The following ZCCHC10 variants were observed in gnomAD, a reference collection of about 807,000 sequenced individuals.
ZCCHC10 encodes zinc finger CCHC domain-containing protein 10.
Under a neutral mutation model 19.5 loss-of-function variants are expected in ZCCHC10, and 16 were observed. The observed-to-expected ratio is 0.82, with a 90% CI of 0.56 to 1.25. ZCCHC10 has a LOEUF of 1.25. Among genes scored for constraint, ZCCHC10 ranks in the 50% most tolerant of loss-of-function variants. The pLI, the probability that ZCCHC10 is intolerant of heterozygous loss-of-function variation, is 0.00. For missense variants in ZCCHC10, 197 were observed against 201.0 expected (o/e 0.98, Z 0.12); for synonymous variants, 67 against 72.5 (o/e 0.92, Z 0.38).
chr5:133,023,274 T>C (rs755984630), intron 1 of ZCCHC10, among the ~76,000 whole-genome samples: 1 of 152,030 alleles, frequency 6.6e-6, no homozygotes, highest in Non-Finnish European at 1.5e-5. Context: ...CCCCAAATAA[T>C]GCCTAGACTC....
chr5:133,014,637 C>A (rs572537899), intron 2 of ZCCHC10, among the ~76,000 whole-genome samples: 2 of 152,336 alleles, frequency 1.3e-5, no homozygotes, highest in Admixed American at 1.3e-4. Context: ...TAGAAGATTG[C>A]AAGCCAGGTA....
chr5:133,014,431 C>T (rs372878921), intron 2 of ZCCHC10, among the ~76,000 whole-genome samples: 5 of 152,284 alleles, frequency 3.3e-5, no homozygotes, highest in East Asian at 1.9e-4. Flanking sequence ...TCCCAAAGTG[C>T]TGGGATTACA....
intron 2 of ZCCHC10, among the ~76,000 whole-genome samples, chr5:133,021,183 CCG>C (rs981568490): frequency 2.6e-5 from 4 of 152,098 alleles, no homozygotes; most frequent in African/African-American, 9.7e-5. Context: ...GCGTGAGCCA[CCG>C]CGCACGGCCT....
intron 2 of ZCCHC10, among the ~76,000 whole-genome samples, chr5:133,014,657 T>G (rs1366918031): frequency 6.6e-6 from 1 of 152,246 alleles, no homozygotes; most frequent in African/African-American, 2.4e-5. Context: ...ATCTTCACAG[T>G]GTGCTTCAAT....
chr5:133,020,368 T>C (rs1764218817), intron 2 of ZCCHC10, among the ~76,000 whole-genome samples: 1 of 151,912 alleles, frequency 6.6e-6, no homozygotes. Context: ...CACTTGAGCC[T>C]GGGAGGCAGA....
At position 132,998,573 on chromosome 5, in the gene ZCCHC10, T is replaced by C. The variant is rs1290177869; in HGVS notation, c.*10A>G. On this transcript the variant is annotated 3_prime_UTR_variant, in exon 5 of 5. Transcript: ENST00000509437. ...TTTCAGTCCATCAGTCCAATATGAA[T>C]GGAGCAACTCTATTTCTTTTTCTTC... 6 of 1,609,622 alleles carry C rather than the reference T, an allele frequency of 3.7e-6. No individual in the cohort carries two copies. Among genetic ancestry groups the C allele is most frequent in the Non-Finnish European group, 5.1e-6 (6 of 1,178,360 alleles).
At chr5:133,004,372 C>T (rs1762969447) in intron 3 of ZCCHC10, among the ~76,000 whole-genome samples, 1 of 152,148 alleles carries the variant, frequency 6.6e-6, no homozygotes. Context: ...CGGGGTTTCT[C>T]CATGTTGGTC....
rs979094152 is a variant in ZCCHC10 at position 133,022,485 on chromosome 5, C to T, written c.107+356G>A. Among the ~76,000 whole-genome samples, 4 of 150,780 alleles carry T rather than the reference C, an allele frequency of 2.7e-5. No individual in the cohort carries two copies. In the South Asian group the frequency reaches 6.3e-4, roughly 24 times the overall value. On this transcript the variant is annotated intron_variant, in intron 2 of 4. Coordinates refer to ENST00000509437, the MANE Select transcript of ZCCHC10 (RefSeq NM_001300816.3). Reference sequence around the variant, plus strand: ...TTTTTTTTTTTTTGAGACAGACTCTCGGTCTGTCGCCAGGCTGGACTGCAG... The same window carrying T: ...TTTTTTTTTTTTTGAGACAGACTCTTGGTCTGTCGCCAGGCTGGACTGCAG...
At chr5:133,010,963 T>C (rs1218009875) in intron 2 of ZCCHC10, among the ~76,000 whole-genome samples, 2 of 152,048 alleles carry the variant, frequency 1.3e-5, no homozygotes, top group Non-Finnish European at 2.9e-5. Context: ...AGCTAGTTTT[T>C]GTATTTTTAG....
chr5:133,026,443 G>A (rs1228422545), intron 1 of ZCCHC10, 54 bp downstream of exon 1: 6 of 1,603,736 alleles, frequency 3.7e-6, no homozygotes, highest in Non-Finnish European at 5.1e-6. Flanking sequence ...GCCCGTTGAC[G>A]CGCGTTTCCC....
intron 2 of ZCCHC10, among the ~76,000 whole-genome samples, chr5:133,008,563 A>T (rs1763289204): frequency 6.8e-6 from 1 of 146,822 alleles, no homozygotes; most frequent in Admixed American, 6.8e-5. Flanking sequence ...AAATCAGAGA[A>T]TCAACAAGGG....
intron 2 of ZCCHC10, among the ~76,000 whole-genome samples, 179 bp from the exon 3 acceptor site, chr5:133,007,099 G>A (rs1472206772): frequency 6.6e-6 from 1 of 152,156 alleles, no homozygotes; most frequent in Non-Finnish European, 1.5e-5. Context: ...TAATGACATG[G>A]TTTGGCTGTG....
At chr5:133,013,751 A>C (rs2126616649) in intron 2 of ZCCHC10, among the ~76,000 whole-genome samples, 1 of 152,102 alleles carries the variant, frequency 6.6e-6, no homozygotes. Context: ...AGGAAAAGAA[A>C]CATCCATCCA....
chr5:133,012,884 A>G (rs1419389662), intron 2 of ZCCHC10, among the ~76,000 whole-genome samples: 3 of 152,030 alleles, frequency 2.0e-5, no homozygotes, highest in Non-Finnish European at 4.4e-5. Flanking sequence ...CCCCGTCTCT[A>G]TTAAAAATAC....
chr5:133,018,808 C>G (rs1453486963), intron 2 of ZCCHC10, among the ~76,000 whole-genome samples: 1 of 152,124 alleles, frequency 6.6e-6, no homozygotes, highest in Non-Finnish European at 1.5e-5. Context: ...GAAGCAGGCC[C>G]TCATAGAGTC....
chr5:133,015,777 G>A (rs893346010), intron 2 of ZCCHC10, among the ~76,000 whole-genome samples: 1 of 152,062 alleles, frequency 6.6e-6, no homozygotes, highest in Non-Finnish European at 1.5e-5. Context: ...CCTGACCCAG[G>A]GAAACTGTGA....
In ZCCHC10 at chr5:132,998,730, G is replaced by A; in HGVS notation, c.432C>T (p.Ser144=). The A allele has an allele frequency of 6.2e-7, 1 of 1,614,122 alleles. No individual in the cohort carries two copies. The highest frequency in any genetic ancestry group is 8.5e-7 in the Non-Finnish European group (1 of 1,180,026). ...SSSEDSDTDE[S]SSSSSSSASS... The stretch of plus-strand genomic sequence containing the variant: ...AGGCTGAGGATGAGGAACTAGAGGA[G>A]CTTTCATCAGTGTCACTGTCCTCTG... The change falls in exon 5 of 5, where the codon AGC becomes AGT. Residue 144 remains serine, a synonymous_variant. Coordinates refer to ENST00000509437, the MANE Select transcript of ZCCHC10 (RefSeq NM_001300816.3).
chr5:133,003,546 G>A (rs1161279101), intron 3 of ZCCHC10, among the ~76,000 whole-genome samples: 8 of 152,042 alleles, frequency 5.3e-5, no homozygotes, highest in Admixed American at 3.9e-4. Context: ...AAAAAACCCA[G>A]CATCTTGCTA....
At chr5:133,023,133 T>A (rs1432329472) in intron 1 of ZCCHC10, among the ~76,000 whole-genome samples, 1 of 152,174 alleles carries the variant, frequency 6.6e-6, no homozygotes, top group African/African-American at 2.4e-5. Context: ...TTAGATAGAT[T>A]TGAAAACACA....
Sources: gnomAD v4.1 joint callset for allele counts (sites outside exome capture counted in the v4.1 genomes callset) on GRCh38, gnomAD v4.1.1 for gene constraint, MANE v1.5 for transcripts, NCBI Gene and HGNC (gene_info 2026-07-23, HGNC 2026-07-21) for gene names.